Variants in CALN1 observed in about 807,000 individuals in gnomAD.
The protein encoded by CALN1 is calneuron 1.
CALN1 carries 17 observed loss-of-function variants against 30.6 expected under a neutral mutation model. The ratio of observed to expected loss-of-function variants is 0.56; its 90% CI spans 0.38 to 0.83. The LOEUF (loss-of-function observed/expected upper bound fraction) is 0.83, where lower values mean the gene tolerates loss of function less well. Ranked by LOEUF, CALN1 falls within the 40% of genes least tolerant of loss-of-function variation. CALN1 has a pLI of 0.00. For synonymous variants in CALN1, 156 were observed against 131.4 expected, an observed-to-expected ratio of 1.19 and a Z score of -1.28; for missense variants, 291 against 354.9, an observed-to-expected ratio of 0.82 and a Z score of 1.45.
intron 3 of CALN1, among the ~76,000 whole-genome samples, chr7:72,207,262 TTCTTA>T (rs1317786755): frequency 1.3e-5 from 2 of 152,118 alleles, no homozygotes; most frequent in South Asian, 2.1e-4. Flanking sequence ...GAAGAACTTA[TTCTTA>T]TCTTGAGTTT....
At chr7:72,168,402 T>C (rs187260594) in intron 3 of CALN1, among the ~76,000 whole-genome samples, 64 of 152,328 alleles carry the variant, frequency 4.2e-4, no homozygotes, top group Admixed American at 6.5e-4. Context: ...GAAAATTGCA[T>C]GCATACGTAT....
chr7:72,382,788 A>G (rs1804982290), intron 2 of CALN1, among the ~76,000 whole-genome samples: 1 of 152,104 alleles, frequency 6.6e-6, no homozygotes, highest in African/African-American at 2.4e-5. Context: ...GCTGTAAAGG[A>G]CAGGATTTCA....
At chr7:72,353,864 T>C (rs766449458) in intron 2 of CALN1, among the ~76,000 whole-genome samples, 2 of 152,058 alleles carry the variant, frequency 1.3e-5, no homozygotes, top group African/African-American at 2.4e-5. Context: ...ATGCCAACAA[T>C]AAACAACTGA....
chr7:72,117,914 C>T (rs574516336), intron 3 of CALN1, among the ~76,000 whole-genome samples: 22 of 150,102 alleles, frequency 1.5e-4, no homozygotes, highest in African/African-American at 2.0e-4. Flanking sequence ...GCCGAGATTG[C>T]GCCACTGTAC....
chr7:71,889,966 G>GA (rs66707559), intron 5 of CALN1, among the ~76,000 whole-genome samples: 4,913 of 128,236 alleles, frequency 0.038, 232 homozygotes, highest in African/African-American at 0.12. Context: ...CTCTGTCTCG[G>GA]AAAAAAAAAA....
chr7:72,499,779 TTCCTTCCTTCC>T, the CALN1 span, among the ~76,000 whole-genome samples: 9 of 38,654 alleles, frequency 2.3e-4, no homozygotes, highest in Non-Finnish European at 3.6e-4. Context: ...CTTTCTTTCC[TTCCTTCCTTCC>T]TTCCTTCCTT....
At chr7:72,120,703 A>C (rs560225007) in intron 3 of CALN1, among the ~76,000 whole-genome samples, 43 of 152,286 alleles carry the variant, frequency 2.8e-4, no homozygotes, top group Non-Finnish European at 5.3e-4. Context: ...CCTTGGAAAC[A>C]CACCTTTCAT....
chr7:71,960,447 C>G (rs998333463), intron 5 of CALN1, among the ~76,000 whole-genome samples: 4 of 152,122 alleles, frequency 2.6e-5, no homozygotes, highest in Non-Finnish European at 5.9e-5. Context: ...TGTTTCTGAG[C>G]TATTTCACTG....
chr7:72,346,330 T>A (rs143213351), intron 2 of CALN1, among the ~76,000 whole-genome samples: 2,069 of 152,312 alleles, frequency 0.014, 60 homozygotes, highest in African/African-American at 0.047. Flanking sequence ...CCTCTTTGGA[T>A]AATTATATCC....
intron 3 of CALN1, among the ~76,000 whole-genome samples, chr7:72,207,152 C>G (rs1791946345): frequency 6.6e-6 from 1 of 152,200 alleles, no homozygotes; most frequent in Admixed American, 6.5e-5. Flanking sequence ...AGCAAGGGCT[C>G]ATTTGAGCTG....
upstream of CALN1, among the ~76,000 whole-genome samples, chr7:72,414,359 G>C (rs905747840): frequency 6.6e-6 from 1 of 152,152 alleles, no homozygotes; most frequent in African/African-American, 2.4e-5. Context: ...GTTCACAATT[G>C]GGTAGAGCGA....
At chr7:72,368,543 T>C (rs1224695318) in intron 2 of CALN1, among the ~76,000 whole-genome samples, 1 of 151,878 alleles carries the variant, frequency 6.6e-6, no homozygotes, top group East Asian at 1.9e-4. Context: ...AAATGTCTAC[T>C]GAACATTCAA....
intron 4 of CALN1, among the ~76,000 whole-genome samples, chr7:72,095,862 T>C (rs562054767): frequency 4.6e-5 from 7 of 152,132 alleles, no homozygotes; most frequent in South Asian, 4.2e-4. Flanking sequence ...CAAAACTTCA[T>C]TGCTACAAAT....
intron 5 of CALN1, among the ~76,000 whole-genome samples, chr7:71,934,055 A>T (rs559960844): frequency 6.6e-6 from 1 of 152,324 alleles, no homozygotes; most frequent in South Asian, 2.1e-4. Flanking sequence ...GAGTTTTTGC[A>T]TTGAAGCTCC....
At chr7:72,249,032 G>C (rs926106236) in intron 3 of CALN1, among the ~76,000 whole-genome samples, 10 of 152,214 alleles carry the variant, frequency 6.6e-5, no homozygotes, top group African/African-American at 2.4e-4. Context: ...CACATAAGCA[G>C]TGATGGATCA....
the CALN1 span, among the ~76,000 whole-genome samples, chr7:72,469,592 T>C: frequency 1.3e-5 from 2 of 151,922 alleles, no homozygotes; most frequent in Non-Finnish European, 2.9e-5. Context: ...AGAGACAGGG[T>C]TTCACCATGT....
chr7:71,826,126 G>A (rs1216232570), intron 5 of CALN1, among the ~76,000 whole-genome samples: 4 of 150,680 alleles, frequency 2.7e-5, no homozygotes, highest in African/African-American at 9.8e-5. Context: ...TTGGACTCCT[G>A]CACATCTTGC....
At chr7:72,315,992 A>G (rs28441039) in intron 2 of CALN1, among the ~76,000 whole-genome samples, 27,900 of 151,718 alleles carry the variant, frequency 0.18, 3,571 homozygotes, top group East Asian at 0.41. Context: ...ACTAAAAAAA[A>G]ATACAAAAAC....
intron 3 of CALN1, among the ~76,000 whole-genome samples, chr7:72,169,493 T>A (rs1435310180): frequency 8.7e-5 from 11 of 127,058 alleles, no homozygotes; most frequent in Non-Finnish European, 1.7e-4. Flanking sequence ...CTGATTATTT[T>A]TTTTTTTTTT....
Sources: gnomAD v4.1 joint callset for allele counts (sites outside exome capture counted in the v4.1 genomes callset) on GRCh38, gnomAD v4.1.1 for gene constraint, MANE v1.5 for transcripts, NCBI Gene and HGNC (gene_info 2026-07-23, HGNC 2026-07-21) for gene names.